Variants in TMEM117 observed in about 807,000 individuals in gnomAD.
TMEM117 encodes the protein transmembrane protein 117.
A neutral mutation model predicts 52.4 loss-of-function variants in TMEM117; 27 were observed. The ratio of observed to expected loss-of-function variants is 0.51; its 90% CI spans 0.38 to 0.71. TMEM117 has a LOEUF of 0.71. TMEM117 is among the 30% of genes least tolerant of loss of function. TMEM117 has a pLI of 0.00. For missense variants in TMEM117, 556 were observed against 630.5 expected (o/e 0.88, Z 1.26); for synonymous variants, 215 against 206.3 (o/e 1.04, Z -0.36).
chr12:44,299,516 A>G, intron 5 of TMEM117, 64 bp from the exon 6 acceptor site: 1 of 1,567,154 alleles, frequency 6.4e-7, no homozygotes, highest in Non-Finnish European at 8.7e-7. Context: ...CACAGATAAC[A>G]TGCACTCTCT....
At chr12:44,125,437 G>T (rs1417378560) in intron 3 of TMEM117, among the ~76,000 whole-genome samples, 4 of 152,088 alleles carry the variant, frequency 2.6e-5, no homozygotes, top group African/African-American at 9.7e-5. Flanking sequence ...GTTCAGTCTT[G>T]GGAAGATGTG....
intron 3 of TMEM117, among the ~76,000 whole-genome samples, chr12:44,125,466 A>T (rs1455086145): frequency 6.6e-6 from 1 of 151,790 alleles, no homozygotes; most frequent in African/African-American, 2.4e-5. Flanking sequence ...GAATTTATCC[A>T]TTTTTTTCCT....
chr12:44,380,479 A>G (rs1047650703), intron 7 of TMEM117, among the ~76,000 whole-genome samples: 3 of 152,150 alleles, frequency 2.0e-5, no homozygotes, highest in Non-Finnish European at 2.9e-5. Context: ...CCATGTCCCT[A>G]TGATTTAGAA....
At chr12:44,144,299 A>G (rs1948611710) in intron 4 of TMEM117, among the ~76,000 whole-genome samples, 1 of 152,206 alleles carries the variant, frequency 6.6e-6, no homozygotes, top group South Asian at 2.1e-4. Flanking sequence ...ATGTTGCTAG[A>G]AGGCTCTGGG....
intron 4 of TMEM117, among the ~76,000 whole-genome samples, chr12:44,173,530 A>C (rs909892011): frequency 1.4e-5 from 2 of 142,634 alleles, no homozygotes; most frequent in Non-Finnish European, 3.0e-5. Flanking sequence ...GATGGTTTTC[A>C]TATGTTTGTG....
At chr12:43,898,038 A>ATG (rs1565740378) in intron 2 of TMEM117, among the ~76,000 whole-genome samples, 5 of 138,466 alleles carry the variant, frequency 3.6e-5, no homozygotes, top group Admixed American at 1.4e-4. Flanking sequence ...GCACACACAC[A>ATG]CACACGCACG....
intron 2 of TMEM117, among the ~76,000 whole-genome samples, chr12:43,920,144 C>T (rs1944667779): frequency 6.6e-6 from 1 of 152,106 alleles, no homozygotes. Context: ...GCTCTCTGAC[C>T]TCTCTCTCCT....
chr12:44,321,843 T>C (rs913079395), intron 6 of TMEM117, among the ~76,000 whole-genome samples: 1 of 152,202 alleles, frequency 6.6e-6, no homozygotes, highest in Non-Finnish European at 1.5e-5. Flanking sequence ...AGATAGAGAA[T>C]CACTAAAGGT....
chr12:44,104,038 C>T (rs556752937), intron 3 of TMEM117, among the ~76,000 whole-genome samples: 3 of 152,016 alleles, frequency 2.0e-5, no homozygotes, highest in African/African-American at 7.2e-5. Context: ...GAAATTGGCA[C>T]TTCTGGAAAG....
intron 5 of TMEM117, among the ~76,000 whole-genome samples, chr12:44,212,580 T>C (rs2138401572): frequency 6.6e-6 from 1 of 152,210 alleles, no homozygotes; most frequent in Admixed American, 6.5e-5. Flanking sequence ...GTCCCTGCAA[T>C]TGTAAAGAAG....
intron 4 of TMEM117, among the ~76,000 whole-genome samples, chr12:44,145,592 A>C (rs1948631714): frequency 6.6e-6 from 1 of 152,186 alleles, no homozygotes; most frequent in Non-Finnish European, 1.5e-5. Flanking sequence ...GCTTCTCATC[A>C]CTTTAGCTTG....
chr12:44,230,878 T>G, intron 5 of TMEM117, among the ~76,000 whole-genome samples: 1 of 151,994 alleles, frequency 6.6e-6, no homozygotes, highest in Non-Finnish European at 1.5e-5. Flanking sequence ...TTTGGTTCTT[T>G]GAATATTTTA....
At chr12:44,170,331 T>G in intron 4 of TMEM117, among the ~76,000 whole-genome samples, 1 of 145,812 alleles carries the variant, frequency 6.9e-6, no homozygotes. Context: ...CATTAGGAGG[T>G]ATACCTAATG....
chr12:44,311,815 A>G (rs868627076), intron 6 of TMEM117, among the ~76,000 whole-genome samples: 35 of 94,726 alleles, frequency 3.7e-4, no homozygotes, highest in African/African-American at 1.1e-3. Flanking sequence ...GTATATATGT[A>G]TATATATGTA....
At chr12:44,367,153 C>T (rs539788955) in intron 6 of TMEM117, among the ~76,000 whole-genome samples, 4 of 152,226 alleles carry the variant, frequency 2.6e-5, no homozygotes, top group Admixed American at 1.3e-4. Context: ...AGTCTCTCTC[C>T]AGTTACTGCC....
Position 44,244,630 on chromosome 12 carries a change from A to G in TMEM117, c.608+33243A>G, listed in dbSNP as rs145156927. On this transcript the variant is annotated intron_variant, in intron 5 of 7. Coordinates refer to ENST00000266534, the MANE Select transcript of TMEM117 (RefSeq NM_032256.3). ...TATCAAATATATTGATTTCAAATAT[A>G]TTCTTCCATTACACAGATTGTTTTT... Among the ~76,000 whole-genome samples, 624 of 151,998 alleles carry G rather than the reference A, an allele frequency of 4.1e-3. 2 individuals are homozygous for G. Among genetic ancestry groups the G allele is most frequent in the Non-Finnish European group, 7.4e-3 (503 of 67,894 alleles).
chr12:44,204,212 G>T (rs1949534442), intron 4 of TMEM117, among the ~76,000 whole-genome samples: 1 of 152,066 alleles, frequency 6.6e-6, no homozygotes, highest in Non-Finnish European at 1.5e-5. Context: ...AACAATTTCT[G>T]TAAAGTTTCA....
intron 4 of TMEM117, among the ~76,000 whole-genome samples, chr12:44,210,927 C>T (rs1315511840): frequency 6.6e-6 from 1 of 152,042 alleles, no homozygotes; most frequent in Non-Finnish European, 1.5e-5. Flanking sequence ...CGCTAAAAAT[C>T]TAGACATCAG....
At position 43,929,091 on chromosome 12, in the gene TMEM117, G is replaced by A. The variant is rs968474414; in HGVS notation, c.278-15119G>A. Among the ~76,000 whole-genome samples the A allele has an allele frequency of 1.9e-3, 282 of 151,818 alleles. 1 individual carries two copies. The highest frequency in any genetic ancestry group is 6.6e-3 in the African/African-American group (272 of 41,388). Reference sequence around the variant, plus strand: ...TGTCTTTATAGCAGCATGATTTATAGTCCTTTGGGTATATACCCAGTAATG... The same window carrying A: ...TGTCTTTATAGCAGCATGATTTATAATCCTTTGGGTATATACCCAGTAATG... On this transcript the variant is annotated intron_variant, in intron 2 of 7. Transcript: ENST00000266534.
Sources: allele counts gnomAD v4.1 joint callset (sites outside exome capture counted in the v4.1 genomes callset), GRCh38; gene constraint gnomAD v4.1.1; transcripts MANE v1.5; gene names NCBI Gene and HGNC (gene_info 2026-07-23, HGNC 2026-07-21).